The following DAGLB variants were observed in gnomAD, a reference collection of about 807,000 sequenced individuals.
DAGLB encodes diacylglycerol lipase-beta.
In DAGLB, 66 loss-of-function variants were observed where a neutral mutation model predicts 72.1. The ratio of observed to expected loss-of-function variants is 0.92; its 90% CI spans 0.75 to 1.12. The LOEUF (loss-of-function observed/expected upper bound fraction) is 1.12, where lower values mean the gene tolerates loss of function less well. Among genes scored for constraint, DAGLB ranks in the 50% most tolerant of loss-of-function variants. DAGLB has a pLI of 0.00. For synonymous variants in DAGLB, 414 were observed against 359.5 expected, an observed-to-expected ratio of 1.15 and a Z score of -1.71; for missense variants, 1,065 against 884.9, an observed-to-expected ratio of 1.20 and a Z score of -2.58.
chr7:6,416,484 A>T, intron 11 of DAGLB, 143 bp downstream of exon 11: 3 of 1,242,862 alleles, frequency 2.4e-6, no homozygotes, highest in Non-Finnish European at 3.3e-6. Context: ...TGGAGCTTGC[A>T]GTGAGCCGAG....
intron 4 of DAGLB, 96 bp downstream of exon 4, chr7:6,434,666 T>A (rs1198869516): frequency 6.4e-7 from 1 of 1,565,200 alleles, no homozygotes; most frequent in Non-Finnish European, 8.7e-7. Context: ...GACACCAGGT[T>A]CTCAAACGCG....
At position 6,432,930 on chromosome 7, in the gene DAGLB, C is replaced by T. The variant is rs748048277; in HGVS notation, c.708G>A (p.Ala236=). The change falls in exon 5 of 15, where the codon GCG becomes GCA. Residue 236 remains alanine (A), a synonymous_variant. Transcript: ENST00000297056. ...GCTGATGAAGCAGGGCGAGGCCCGC[C>T]GCAATGTCGCTGGGCACCAGATCTG... ...SDTDLVPSDI[A]AGLALLHQQQ... 10 of 1,613,766 alleles carry T rather than the reference C, an allele frequency of 6.2e-6. No homozygotes were observed. The highest frequency in any genetic ancestry group is 2.2e-5 in the East Asian group (1 of 44,880).
chr7:6,430,250 C>CATATACATATATATATATATATAT (rs1491373912), intron 6 of DAGLB, among the ~76,000 whole-genome samples: 9 of 45,738 alleles, frequency 2.0e-4, no homozygotes, highest in African/African-American at 8.3e-4. Flanking sequence ...AATACATGTG[C>CATATACATATATATATATATATAT]ATATATATAT....
rs1306666240 is a variant in DAGLB at position 6,421,727 on chromosome 7, C to T, written c.1218G>A (p.Lys406=). 6.2e-7 allele frequency: 1 copy of T among 1,608,870 alleles called. No individual in the cohort carries two copies. Among genetic ancestry groups the T allele is most frequent in the Non-Finnish European group, 8.5e-7 (1 of 1,176,550 alleles). ...ECEVQDRLAH[K]GISQAARYVY... is the part of the protein sequence containing the mutation. ...AAGACACACGAGTCCGCGCTCATAC[C>T]TTGTGTGCCAGGCGGTCCTGCACCT... Residue 406 remains lysine (K), a splice_region_variant and synonymous_variant, in exon 9 of 15, where the codon AAG becomes AAA. Transcript: ENST00000297056.
chr7:6,442,894 C>T (rs1457395440), intron 2 of DAGLB, among the ~76,000 whole-genome samples: 1 of 151,920 alleles, frequency 6.6e-6, no homozygotes, highest in East Asian at 1.9e-4. Flanking sequence ...CTCTACTAGA[C>T]CAGGTGCAGT....
Position 6,409,724 on chromosome 7 carries a change from C to A in DAGLB, c.*113G>T. ...CATGGAATTCTGTTCCCATCCGATT[C>A]CTGTTGATGGACATTCGCTGTTTTG... On this transcript the variant is annotated 3_prime_UTR_variant, in exon 15 of 15. Coordinates refer to ENST00000297056, the MANE Select transcript of DAGLB (RefSeq NM_139179.4). The A allele has an allele frequency of 8.3e-7, 1 of 1,209,286 alleles. No homozygotes were observed. Among genetic ancestry groups the A allele is most frequent in the Middle Eastern group, 2.0e-4 (1 of 5,128 alleles). The allele number at this position is 1,209,286 out of a possible 1,614,324, so 74.9% of individuals were successfully genotyped here. A position where few individuals can be genotyped will look rare whatever the true frequency, so the allele number is the denominator to read the frequency against.
chr7:6,416,999 G>C, intron 9 of DAGLB, 78 bp from the exon 10 acceptor site: 1 of 1,479,876 alleles, frequency 6.8e-7, no homozygotes, highest in South Asian at 1.2e-5. Context: ...ATGGGATGAC[G>C]CTGTGCACTG....
intron 5 of DAGLB, among the ~76,000 whole-genome samples, chr7:6,431,543 C>T (rs1784488997): frequency 6.6e-6 from 1 of 151,764 alleles, no homozygotes; most frequent in South Asian, 2.1e-4. Flanking sequence ...GGGCCAAGGC[C>T]GGCAAATCAC....
rs1282751709 is a variant in DAGLB, at chr7:6,447,759, C to A, written c.84G>T (p.Val28=). 1 of 1,613,434 alleles carries A rather than the reference C, an allele frequency of 6.2e-7. No individual in the cohort carries two copies. Among genetic ancestry groups the A allele is most frequent in the African/African-American group, 1.3e-5 (1 of 74,908 alleles). The change falls in exon 1 of 15, where the codon GTG becomes GTT. Residue 28 remains valine (V), a synonymous_variant. Coordinates refer to ENST00000297056, the MANE Select transcript of DAGLB (RefSeq NM_139179.4). ...LVFPGFFELV[V]RVLWWIGILT... ...GCCGCCGTCCTTACCACAGCACTCGCACGACCAGCTCGAAGAACCCTGGGA... is the reference window on the plus strand; with the variant it reads ...GCCGCCGTCCTTACCACAGCACTCGAACGACCAGCTCGAAGAACCCTGGGA...
At chr7:6,445,403 A>C (rs919376454) in intron 2 of DAGLB, among the ~76,000 whole-genome samples, 1 of 152,334 alleles carries the variant, frequency 6.6e-6, no homozygotes, top group Middle Eastern at 3.4e-3. Flanking sequence ...TTCCACTTAT[A>C]TGATGTCCAC....
intron 9 of DAGLB, among the ~76,000 whole-genome samples, chr7:6,418,888 T>C (rs1051703234): frequency 1.3e-4 from 19 of 151,372 alleles, no homozygotes; most frequent in Non-Finnish European, 2.5e-4. Context: ...ATGGTCTCCA[T>C]CTCCTGACCT....
Position 6,447,764 on chromosome 7 carries a change from C to T in DAGLB, c.79G>A (p.Val27Ile). Residue 27 changes from valine (V) to isoleucine (I), a missense_variant, in exon 1 of 15, where the codon GTC becomes ATC. Coordinates refer to ENST00000297056, the MANE Select transcript of DAGLB (RefSeq NM_139179.4). ...DLVFPGFFELVVRVLWWIGIL... is the reference protein window; with the variant it reads ...DLVFPGFFELIVRVLWWIGIL... ...CGTCCTTACCACAGCACTCGCACGA[C>T]CAGCTCGAAGAACCCTGGGAAGACC... 1 of 1,613,686 alleles carries T rather than the reference C, an allele frequency of 6.2e-7. No individual in the cohort carries two copies. Among genetic ancestry groups the T allele is most frequent in the Non-Finnish European group, 8.5e-7 (1 of 1,179,852 alleles).
intron 13 of DAGLB, chr7:6,412,470 T>TG (rs1256342038): frequency 2.2e-5 from 5 of 230,246 alleles, no homozygotes; most frequent in African/African-American, 8.9e-5. Flanking sequence ...TTTTCTTTTT[T>TG]TTTTTTTAGA....
intron 8 of DAGLB, 180 bp from the exon 9 acceptor site, chr7:6,421,984 C>T: frequency 2.8e-6 from 2 of 722,314 alleles, no homozygotes; most frequent in Non-Finnish European, 4.9e-6. Context: ...CTCCTGAGGG[C>T]CCTGATGGCA....
At chr7:6,421,279 C>T (rs771391151) in intron 9 of DAGLB, among the ~76,000 whole-genome samples, 1 of 150,900 alleles carries the variant, frequency 6.6e-6, no homozygotes, top group Non-Finnish European at 1.5e-5. Context: ...AAACGAAATC[C>T]CACAGCCTCC....
At chr7:6,411,610 G>C (rs929253029) in intron 13 of DAGLB, among the ~76,000 whole-genome samples, 7 of 152,130 alleles carry the variant, frequency 4.6e-5, no homozygotes, top group African/African-American at 1.7e-4. Context: ...GACAAAGCGA[G>C]ACCCTGTCTC....
chr7:6,431,125 A>C (rs771764583), intron 5 of DAGLB, among the ~76,000 whole-genome samples: 2 of 151,784 alleles, frequency 1.3e-5, no homozygotes, highest in African/African-American at 2.4e-5. Flanking sequence ...GTTAACAGTA[A>C]AAAACACTCC....
intron 1 of DAGLB, among the ~76,000 whole-genome samples, chr7:6,447,304 AT>A (rs1287164047): frequency 6.6e-6 from 1 of 152,098 alleles, no homozygotes; most frequent in Non-Finnish European, 1.5e-5. Flanking sequence ...CCGGCTCGGT[AT>A]TTTTTCCTAT....
chr7:6,445,886 G>A, intron 2 of DAGLB, 67 bp downstream of exon 2: 1 of 1,472,300 alleles, frequency 6.8e-7, no homozygotes, highest in Non-Finnish European at 9.1e-7. Context: ...GAATTGTATG[G>A]TATGTGAATT....
Sources: gnomAD v4.1 joint callset for allele counts (sites outside exome capture counted in the v4.1 genomes callset) on GRCh38, gnomAD v4.1.1 for gene constraint, MANE v1.5 for transcripts, NCBI Gene and HGNC (gene_info 2026-07-23, HGNC 2026-07-21) for gene names.